PTCHD4: variants seen among roughly 807,000 people sequenced by gnomAD.
PTCHD4 encodes patched domain-containing protein 4.
A neutral mutation model predicts 58.1 loss-of-function variants in PTCHD4; 33 were observed. That is an observed-to-expected ratio of 0.57 (90% CI 0.43 to 0.76). PTCHD4 has a LOEUF of 0.76. Among genes scored for constraint, PTCHD4 ranks in the 30% least tolerant of loss-of-function variants. The probability of loss-of-function intolerance (pLI) is 0.00; values close to 1 mark genes in which losing one functional copy is unlikely to be tolerated. For missense variants in PTCHD4, 1,058 were observed against 1,027.1 expected (o/e 1.03, Z -0.41); for synonymous variants, 478 against 409.6 (o/e 1.17, Z -2.02).
chr6:47,956,236 A>G (rs113449356), intron 4 of PTCHD4, among the ~76,000 whole-genome samples: 6,322 of 152,272 alleles, frequency 0.042, 241 homozygotes, highest in African/African-American at 0.1. Flanking sequence ...TGTAACAATA[A>G]CTAATATTTA....
At chr6:48,012,582 T>C (rs560089605) in intron 3 of PTCHD4, among the ~76,000 whole-genome samples, 2 of 152,344 alleles carry the variant, frequency 1.3e-5, no homozygotes, top group South Asian at 4.1e-4. Context: ...TCTTTCCTGA[T>C]TGCCCTGGCC....
intron 3 of PTCHD4, among the ~76,000 whole-genome samples, chr6:48,046,397 A>G (rs1219726842): frequency 6.6e-6 from 1 of 151,860 alleles, no homozygotes; most frequent in African/African-American, 2.4e-5. Flanking sequence ...TCCTCTTAAT[A>G]GGATTCTGAT....
intron 3 of PTCHD4, among the ~76,000 whole-genome samples, chr6:48,067,071 T>A (rs1433375965): frequency 6.6e-6 from 1 of 152,182 alleles, no homozygotes; most frequent in East Asian, 1.9e-4. Flanking sequence ...TTTTCTTCTT[T>A]GGAAACACCT....
At chr6:47,968,079 T>G (rs1376637263) in intron 4 of PTCHD4, among the ~76,000 whole-genome samples, 1 of 152,214 alleles carries the variant, frequency 6.6e-6, no homozygotes, top group East Asian at 1.9e-4. Context: ...CTAAGCTTAG[T>G]CATTTCTGGC....
chr6:48,013,208 C>CTTT (rs1762746799), intron 3 of PTCHD4, among the ~76,000 whole-genome samples: 1 of 151,994 alleles, frequency 6.6e-6, no homozygotes, highest in Non-Finnish European at 1.5e-5. Context: ...TGGTCCTGGG[C>CTTT]TTTTTTGTTG....
At chr6:47,990,045 C>T (rs1005695010) in intron 4 of PTCHD4, among the ~76,000 whole-genome samples, 4 of 152,112 alleles carry the variant, frequency 2.6e-5, no homozygotes, top group Non-Finnish European at 5.9e-5. Context: ...AGTGTGACCT[C>T]GATGTGGGAC....
chr6:47,981,281 A>G (rs1190147077), intron 4 of PTCHD4, among the ~76,000 whole-genome samples: 1 of 151,886 alleles, frequency 6.6e-6, no homozygotes, highest in African/African-American at 2.4e-5. Flanking sequence ...TCTCTCCTGC[A>G]TGTTTCTAAA....
Position 48,091,481 on chromosome 6 carries a change from G to A in PTCHD4, c.-970+19568C>T, listed in dbSNP as rs74701104. On this transcript the variant is annotated intron_variant, in intron 1 of 4. Transcript: ENST00000339488. Reference sequence around the variant, plus strand: ...AATTCTGAAGCATGCTAAAGGTAGAGCACTGCTATTTAATATGTGGTCCTC... The same window carrying A: ...AATTCTGAAGCATGCTAAAGGTAGAACACTGCTATTTAATATGTGGTCCTC... Among the ~76,000 whole-genome samples, 419 of 152,164 alleles carry A rather than the reference G, an allele frequency of 2.8e-3. 2 individuals are homozygous for A. Among genetic ancestry groups the A allele is most frequent in the African/African-American group, 8.6e-3 (358 of 41,494 alleles).
intron 3 of PTCHD4, among the ~76,000 whole-genome samples, chr6:48,035,636 T>C (rs1325594399): frequency 6.6e-6 from 1 of 152,154 alleles, no homozygotes; most frequent in Admixed American, 6.6e-5. Flanking sequence ...GTTTGCATTG[T>C]CCAATTTTAG....
intron 3 of PTCHD4, among the ~76,000 whole-genome samples, chr6:48,045,798 A>G (rs1281150910): frequency 1.3e-5 from 2 of 148,514 alleles, no homozygotes; most frequent in African/African-American, 2.5e-5. Flanking sequence ...TTTCCCACTC[A>G]GCTCTGCAGC....
At chr6:48,100,293 A>G (rs573297624) in intron 1 of PTCHD4, among the ~76,000 whole-genome samples, 4 of 152,226 alleles carry the variant, frequency 2.6e-5, no homozygotes, top group African/African-American at 9.6e-5. Flanking sequence ...AAGATAATGA[A>G]TATGGATTGT....
chr6:48,093,620 A>G (rs1433127416), intron 1 of PTCHD4, among the ~76,000 whole-genome samples: 1 of 152,172 alleles, frequency 6.6e-6, no homozygotes, highest in Non-Finnish European at 1.5e-5. Flanking sequence ...AAATTGCTGG[A>G]AAAGAATTTT....
intron 4 of PTCHD4, among the ~76,000 whole-genome samples, chr6:47,964,226 C>T (rs920092477): frequency 6.6e-6 from 1 of 152,184 alleles, no homozygotes; most frequent in Non-Finnish European, 1.5e-5. Context: ...TTCTTGAGAT[C>T]TGCCATACAA....
intron 3 of PTCHD4, among the ~76,000 whole-genome samples, chr6:48,023,561 C>T (rs1485578841): frequency 6.6e-6 from 1 of 152,114 alleles, no homozygotes; most frequent in Non-Finnish European, 1.5e-5. Flanking sequence ...AATATCCCTC[C>T]TAATTGTATC....
intron 1 of PTCHD4, among the ~76,000 whole-genome samples, chr6:48,109,202 C>A (rs1374301352): frequency 2.6e-5 from 4 of 152,020 alleles, no homozygotes; most frequent in Admixed American, 6.6e-5. Flanking sequence ...TCTAATAATT[C>A]TTTTTATTTA....
intron 4 of PTCHD4, among the ~76,000 whole-genome samples, chr6:47,940,119 A>G (rs1766155295): frequency 6.6e-6 from 1 of 152,146 alleles, no homozygotes; most frequent in African/African-American, 2.4e-5. Flanking sequence ...TCCCTTATCC[A>G]GTGGTAGAAA....
intron 1 of PTCHD4, among the ~76,000 whole-genome samples, chr6:48,093,102 C>T (rs1187944393): frequency 6.6e-6 from 1 of 152,172 alleles, no homozygotes; most frequent in East Asian, 1.9e-4. Flanking sequence ...TAGTTTTTGG[C>T]ACTAGTATAA....
chr6:48,021,472 T>G (rs1173370530), intron 3 of PTCHD4, among the ~76,000 whole-genome samples: 2 of 152,164 alleles, frequency 1.3e-5, no homozygotes, highest in Admixed American at 1.3e-4. Flanking sequence ...CTTTTTAATC[T>G]TTGCCTTTGT....
At chr6:48,009,294 T>C (rs1274889811) in intron 3 of PTCHD4, among the ~76,000 whole-genome samples, 180 bp from the exon 4 acceptor site, 1 of 152,180 alleles carries the variant, frequency 6.6e-6, no homozygotes, top group Non-Finnish European at 1.5e-5. Flanking sequence ...TGGGATACCA[T>C]GTATGATGAT....
Sources: gnomAD v4.1 joint callset for allele counts (sites outside exome capture counted in the v4.1 genomes callset) on GRCh38, gnomAD v4.1.1 for gene constraint, MANE v1.5 for transcripts, NCBI Gene and HGNC (gene_info 2026-07-23, HGNC 2026-07-21) for gene names.